MBD5: variants seen among roughly 807,000 people sequenced by gnomAD.
The protein encoded by MBD5 is methyl-CpG-binding domain protein 5.
MBD5 carries 13 observed loss-of-function variants against 117.3 expected under a neutral mutation model. The ratio of observed to expected loss-of-function variants is 0.11; its 90% CI spans 0.07 to 0.18. MBD5 has a LOEUF of 0.18. Among genes scored for constraint, MBD5 ranks in the 10% least tolerant of loss-of-function variants. The probability of loss-of-function intolerance (pLI) is 1.00; values close to 1 mark genes in which losing one functional copy is unlikely to be tolerated. For missense variants in MBD5, 1,879 were observed against 2,093.8 expected, an observed-to-expected ratio of 0.90 and a Z score of 2.00; for synonymous variants, 727 against 766.4, an observed-to-expected ratio of 0.95 and a Z score of 0.85.
At chr2:148,345,480 TATACATATGTATATACACATAC>T (rs2105183862) in intron 4 of MBD5, among the ~76,000 whole-genome samples, 1 of 66,310 alleles carries the variant, frequency 1.5e-5, no homozygotes, top group African/African-American at 6.0e-5. Context: ...TACACATACA[TATACATATGTATATACACATAC>T]ATATACATAT....
chr2:148,293,660 T>C (rs185804345), intron 3 of MBD5, among the ~76,000 whole-genome samples: 31 of 152,348 alleles, frequency 2.0e-4, no homozygotes, highest in African/African-American at 7.2e-4. Flanking sequence ...TCCAGTATAA[T>C]GTTGAATAGA....
intron 11 of MBD5, among the ~76,000 whole-genome samples, chr2:148,501,624 A>G (rs1360918147): frequency 6.6e-6 from 1 of 152,110 alleles, no homozygotes; most frequent in African/African-American, 2.4e-5. Flanking sequence ...TTCAAGAACC[A>G]TGATAGAGAT....
chr2:148,149,681 T>C (rs1198907531), intron 1 of MBD5, among the ~76,000 whole-genome samples: 1 of 152,224 alleles, frequency 6.6e-6, no homozygotes, highest in Admixed American at 6.5e-5. Context: ...TGCATTTCTC[T>C]GATGGCCAGT....
chr2:148,484,750 T>C (rs1313591852), intron 9 of MBD5, among the ~76,000 whole-genome samples: 1 of 152,200 alleles, frequency 6.6e-6, no homozygotes, highest in Non-Finnish European at 1.5e-5. Flanking sequence ...GTTTTTCATC[T>C]GTATTATCCT....
intron 4 of MBD5, among the ~76,000 whole-genome samples, chr2:148,414,836 C>T (rs1438188969): frequency 3.9e-5 from 6 of 151,924 alleles, no homozygotes; most frequent in Non-Finnish European, 8.8e-5. Flanking sequence ...CATCCCTTTA[C>T]TTTGAGCCTA....
intron 1 of MBD5, among the ~76,000 whole-genome samples, chr2:148,083,058 T>A (rs1695685849): frequency 6.6e-6 from 1 of 152,180 alleles, no homozygotes. Context: ...AATCCAAGTC[T>A]GTTTGGTCCC....
At chr2:148,421,443 T>G (rs774827127) in intron 4 of MBD5, among the ~76,000 whole-genome samples, 1 of 152,186 alleles carries the variant, frequency 6.6e-6, no homozygotes, top group Non-Finnish European at 1.5e-5. Flanking sequence ...GACCAGGAGA[T>G]TCTCTCAGTG....
chr2:148,074,484 G>GGTTTTTTTTTGTTTTTTTTTTTGTTT (rs1695441485), intron 1 of MBD5, among the ~76,000 whole-genome samples: 1 of 123,154 alleles, frequency 8.1e-6, no homozygotes. Flanking sequence ...GGAATAGTTT[G>GGTTTTTTTTTGTTTTTTTTTTTGTTT]TTTTTTTTTT....
At position 148,066,807 on chromosome 2, in the gene MBD5, C is replaced by T. The variant is rs558066316; in HGVS notation, c.-925+45123C>T. 3.3e-5 allele frequency among the ~76,000 whole-genome samples: 5 copies of T among 152,242 alleles called. No individual in the cohort carries two copies. The East Asian group carries it at 9.7e-4, about 29-fold the overall frequency. ...TGTTTTTTTCACCTCAGCACCTTTG[C>T]TCAAGCTCTTTCTTCAATGCAGAAT... is the stretch of plus-strand genomic sequence containing the variant. On this transcript the variant is annotated intron_variant, in intron 1 of 13. Transcript: ENST00000642680.
intron 1 of MBD5, among the ~76,000 whole-genome samples, chr2:148,075,512 A>G (rs1695486997): frequency 1.3e-5 from 2 of 152,152 alleles, no homozygotes; most frequent in Admixed American, 1.3e-4. Flanking sequence ...AAAGATAAGG[A>G]CTCAATTTTA....
Position 148,290,253 on chromosome 2 carries a change from C to T in MBD5, c.-679-51961C>T, listed in dbSNP as rs143871828. Among the ~76,000 whole-genome samples the T allele has an allele frequency of 4.4e-3, 666 of 150,806 alleles. 7 individuals are homozygous for T. The highest frequency in any genetic ancestry group is 0.016 in the African/African-American group (646 of 40,970). On this transcript the variant is annotated intron_variant, in intron 3 of 13. Transcript: ENST00000642680. ...GATTATAGGCGTGAGTCACCGCACC[C>T]AGCCAAAAATCATGTATTACTCTTT...
At chr2:148,153,239 C>A (rs1415039265) in intron 1 of MBD5, among the ~76,000 whole-genome samples, 2 of 151,584 alleles carry the variant, frequency 1.3e-5, no homozygotes, top group African/African-American at 2.4e-5. Flanking sequence ...GTTGAAAATT[C>A]TTTTCTTTAA....
At chr2:148,377,923 G>T (rs1339504058) in intron 4 of MBD5, among the ~76,000 whole-genome samples, 1 of 152,072 alleles carries the variant, frequency 6.6e-6, no homozygotes, top group Non-Finnish European at 1.5e-5. Context: ...ATTTCTTAAG[G>T]TTATCATGGG....
rs1559010681 is a variant in MBD5 at position 148,296,863 on chromosome 2, A to ATTTTTTTTTTTTTTTTTTTTTTTTTTTTT, written c.-679-45351_-679-45350insTTTTTTTTTTTTTTTTTTTTTTTTTTTTT. Among the ~76,000 whole-genome samples, 146 of 37,696 alleles carry ATTTTTTTTTTTTTTTTTTTTTTTTTTTTT rather than the reference A, an allele frequency of 3.9e-3. 48 individuals are homozygous for ATTTTTTTTTTTTTTTTTTTTTTTTTTTTT. The highest frequency in any genetic ancestry group is 6.2e-3 in the Non-Finnish European group (118 of 18,956). The allele number at this position is 37,696 out of a possible 152,430, so 24.7% of individuals were successfully genotyped here. On this transcript the variant is annotated intron_variant, in intron 3 of 13. Transcript: ENST00000642680. ...TAAGCATAGTTTGCTTTAGTTCTTC[A>ATTTTTTTTTTTTTTTTTTTTTTTTTTTTT]ATTTTTTTTTTTTTTTTTTTTGGAG...
chr2:148,467,660 C>T (rs1242778064), intron 7 of MBD5, among the ~76,000 whole-genome samples: 1 of 152,074 alleles, frequency 6.6e-6, no homozygotes, highest in Non-Finnish European at 1.5e-5. Flanking sequence ...TGAAACTAAG[C>T]ATGGGTTAGT....
At chr2:148,504,873 G>A (rs1340960579) in intron 12 of MBD5, among the ~76,000 whole-genome samples, 1 of 152,140 alleles carries the variant, frequency 6.6e-6, no homozygotes, top group African/African-American at 2.4e-5. Context: ...AGATCATGAA[G>A]GGCCTAGTAA....
At chr2:148,311,264 T>C (rs1702023434) in intron 3 of MBD5, among the ~76,000 whole-genome samples, 2 of 152,146 alleles carry the variant, frequency 1.3e-5, no homozygotes. Flanking sequence ...TCTCCCACTA[T>C]TATTGTGTGG....
chr2:148,175,552 A>G (rs1454319120), intron 1 of MBD5, among the ~76,000 whole-genome samples: 1 of 152,176 alleles, frequency 6.6e-6, no homozygotes, highest in African/African-American at 2.4e-5. Flanking sequence ...GTGGAACACC[A>G]TGGCATTCTG....
intron 1 of MBD5, among the ~76,000 whole-genome samples, chr2:148,091,069 A>G (rs1168365899): frequency 2.0e-5 from 3 of 152,114 alleles, no homozygotes; most frequent in Admixed American, 6.5e-5. Context: ...CAACATCTGC[A>G]AAGAAAATAA....
Sources: allele counts gnomAD v4.1 joint callset (sites outside exome capture counted in the v4.1 genomes callset), GRCh38; gene constraint gnomAD v4.1.1; transcripts MANE v1.5; gene names NCBI Gene and HGNC (gene_info 2026-07-23, HGNC 2026-07-21).